Variants in SLC25A21 observed in about 807,000 individuals in gnomAD.
SLC25A21 encodes mitochondrial 2-oxodicarboxylate carrier.
SLC25A21 carries 47 observed loss-of-function variants against 43.8 expected under a neutral mutation model. The ratio of observed to expected loss-of-function variants is 1.07; its 90% CI spans 0.85 to 1.37. The LOEUF is 1.37. Ranked by LOEUF, SLC25A21 falls within the 40% of genes most tolerant of loss-of-function variation. SLC25A21 has a pLI of 0.00. For synonymous variants in SLC25A21, 131 were observed against 121.3 expected, an observed-to-expected ratio of 1.08 and a Z score of -0.52; for missense variants, 352 against 350.2, an observed-to-expected ratio of 1.00 and a Z score of -0.04.
chr14:36,898,415 T>C (rs1215549524), intron 1 of SLC25A21, among the ~76,000 whole-genome samples: 1 of 152,156 alleles, frequency 6.6e-6, no homozygotes, highest in Non-Finnish European at 1.5e-5. Context: ...TGACCCAATT[T>C]TCCAGGTGCC....
chr14:37,118,272 G>A (rs909256765), intron 1 of SLC25A21, among the ~76,000 whole-genome samples: 5 of 151,442 alleles, frequency 3.3e-5, no homozygotes, highest in Non-Finnish European at 7.4e-5. Context: ...GCTCCACCCA[G>A]ATCCACCAAC....
At chr14:36,911,412 T>C (rs1891683171) in intron 1 of SLC25A21, among the ~76,000 whole-genome samples, 1 of 152,158 alleles carries the variant, frequency 6.6e-6, no homozygotes, top group African/African-American at 2.4e-5. Context: ...GGCAGACTGT[T>C]ATTTTGGAGG....
At chr14:36,728,935 G>T (rs1225254345) in intron 5 of SLC25A21, among the ~76,000 whole-genome samples, 2 of 152,208 alleles carry the variant, frequency 1.3e-5, no homozygotes, top group Non-Finnish European at 2.9e-5. Flanking sequence ...TCACCAAAAA[G>T]GAGGGGAATG....
chr14:37,025,573 T>C (rs1961075769), intron 1 of SLC25A21, among the ~76,000 whole-genome samples: 1 of 152,170 alleles, frequency 6.6e-6, no homozygotes, highest in South Asian at 2.1e-4. Flanking sequence ...GAACAACTTA[T>C]ATCAATTTAA....
chr14:36,836,784 C>T (rs1889224100), intron 2 of SLC25A21, among the ~76,000 whole-genome samples: 1 of 152,042 alleles, frequency 6.6e-6, no homozygotes, highest in Non-Finnish European at 1.5e-5. Context: ...AAGGCAATGG[C>T]AAGATAACAA....
chr14:36,860,590 T>A (rs915382608), intron 2 of SLC25A21, among the ~76,000 whole-genome samples: 1 of 152,236 alleles, frequency 6.6e-6, no homozygotes, highest in Non-Finnish European at 1.5e-5. Context: ...AAAGGAATCA[T>A]GTCTGCTCAC....
intron 2 of SLC25A21, among the ~76,000 whole-genome samples, chr14:36,830,407 G>A (rs1453191313): frequency 6.6e-6 from 1 of 152,100 alleles, no homozygotes; most frequent in Admixed American, 6.5e-5. Context: ...AACCTAAGGT[G>A]TAACAAAGAT....
intron 2 of SLC25A21, among the ~76,000 whole-genome samples, chr14:36,825,478 C>G (rs142278431): frequency 2.4e-4 from 37 of 152,274 alleles, no homozygotes; most frequent in African/African-American, 8.4e-4. Context: ...GTCCATAGAA[C>G]TTGAACAAGA....
At chr14:36,846,334 A>C (rs1436384470) in intron 2 of SLC25A21, among the ~76,000 whole-genome samples, 1 of 152,222 alleles carries the variant, frequency 6.6e-6, no homozygotes, top group African/African-American at 2.4e-5. Context: ...TATGAAAAAA[A>C]TAAATGCTTA....
intron 1 of SLC25A21, among the ~76,000 whole-genome samples, chr14:37,002,213 G>C (rs1373311661): frequency 6.6e-6 from 1 of 152,168 alleles, no homozygotes; most frequent in African/African-American, 2.4e-5. Flanking sequence ...GTTTTCTGCA[G>C]ATAATTCCAG....
At chr14:36,898,253 C>T (rs2138593642) in intron 1 of SLC25A21, among the ~76,000 whole-genome samples, 1 of 152,318 alleles carries the variant, frequency 6.6e-6, no homozygotes, top group Admixed American at 6.5e-5. Flanking sequence ...CTCCCCCAGC[C>T]TCGCTGCCAC....
intron 1 of SLC25A21, among the ~76,000 whole-genome samples, chr14:36,901,621 T>C (rs1212220380): frequency 6.6e-6 from 1 of 152,174 alleles, no homozygotes. Context: ...TATTATTTTT[T>C]ATTTTGGTTT....
At chr14:36,764,199 A>AAAGAAAGAAAGAAAGAAAGAAAGAAACT (rs1566588491) in intron 3 of SLC25A21, among the ~76,000 whole-genome samples, 3 of 147,028 alleles carry the variant, frequency 2.0e-5, no homozygotes, top group African/African-American at 8.0e-5. Flanking sequence ...AAAGAGAAAG[A>AAAGAAAGAAAGAAAGAAAGAAAGAAACT]AAGAAACTGT....
chr14:36,979,663 G>A (rs1959973244), intron 1 of SLC25A21, among the ~76,000 whole-genome samples: 1 of 152,158 alleles, frequency 6.6e-6, no homozygotes, highest in Non-Finnish European at 1.5e-5. Flanking sequence ...GCCAAAGGTA[G>A]TATTTTTTAA....
intron 1 of SLC25A21, among the ~76,000 whole-genome samples, chr14:37,161,258 C>T (rs1018479754): frequency 6.6e-6 from 1 of 152,026 alleles, no homozygotes; most frequent in Admixed American, 6.6e-5. Flanking sequence ...TGATCAGTGA[C>T]GTGAAATTCT....
intron 3 of SLC25A21, among the ~76,000 whole-genome samples, chr14:36,781,809 A>T (rs1887073250): frequency 6.6e-6 from 1 of 152,176 alleles, no homozygotes; most frequent in African/African-American, 2.4e-5. Context: ...TCTGAATTTG[A>T]CTATATATTT....
At chr14:36,899,155 C>G (rs888225237) in intron 1 of SLC25A21, among the ~76,000 whole-genome samples, 1 of 151,922 alleles carries the variant, frequency 6.6e-6, no homozygotes, top group Non-Finnish European at 1.5e-5. Flanking sequence ...TATGGGAGGC[C>G]AAGGCAGTAG....
intron 1 of SLC25A21, among the ~76,000 whole-genome samples, chr14:37,119,657 T>C (rs891303814): frequency 6.6e-6 from 1 of 152,224 alleles, no homozygotes; most frequent in Non-Finnish European, 1.5e-5. Flanking sequence ...TATTTATTCC[T>C]TTACTTCCTA....
intron 1 of SLC25A21, among the ~76,000 whole-genome samples, chr14:37,072,919 T>G (rs1272827269): frequency 1.3e-5 from 2 of 152,224 alleles, no homozygotes; most frequent in African/African-American, 4.8e-5. Context: ...CTTTAAATTC[T>G]AAAAATCAAC....
Sources: allele counts gnomAD v4.1 joint callset (sites outside exome capture counted in the v4.1 genomes callset), GRCh38; gene constraint gnomAD v4.1.1; transcripts MANE v1.5; gene names NCBI Gene and HGNC (gene_info 2026-07-23, HGNC 2026-07-21).